The following PRKCZ variants were observed in gnomAD, a reference collection of about 807,000 sequenced individuals.
PRKCZ encodes the protein protein kinase C zeta type.
PRKCZ carries 33 observed loss-of-function variants against 79.5 expected under a neutral mutation model. That is an observed-to-expected ratio of 0.41 (90% CI 0.31 to 0.55). The LOEUF is 0.55. Ranked by LOEUF, PRKCZ falls within the 20% of genes least tolerant of loss-of-function variation. The probability of loss-of-function intolerance (pLI) is 0.19; values close to 1 mark genes in which losing one functional copy is unlikely to be tolerated. For synonymous variants in PRKCZ, 342 were observed against 320.9 expected (o/e 1.07, Z -0.70); for missense variants, 578 against 813.5 (o/e 0.71, Z 3.52).
intron 4 of PRKCZ, among the ~76,000 whole-genome samples, chr1:2,133,268 C>A (rs1316130379): frequency 6.6e-6 from 1 of 151,754 alleles, no homozygotes; most frequent in African/African-American, 2.4e-5. Context: ...TCCCTCGGCT[C>A]CGCCCCACAG....
chr1:2,137,647 C>T (rs1243441835), intron 5 of PRKCZ, among the ~76,000 whole-genome samples: 1 of 152,208 alleles, frequency 6.6e-6, no homozygotes. Flanking sequence ...GTGAACCCTA[C>T]CCACCCAGTG....
At chr1:2,097,931 C>T (rs1488838087) in intron 4 of PRKCZ, among the ~76,000 whole-genome samples, 1 of 152,208 alleles carries the variant, frequency 6.6e-6, no homozygotes, top group Non-Finnish European at 1.5e-5. Flanking sequence ...CTGTGTGGTT[C>T]CCCTGTTGGC....
intron 9 of PRKCZ, among the ~76,000 whole-genome samples, chr1:2,151,221 A>G (rs1679843040): frequency 6.6e-6 from 1 of 152,402 alleles, no homozygotes; most frequent in Non-Finnish European, 1.5e-5. Flanking sequence ...CAGCACAGCC[A>G]ACTCCACAGC....
Position 2,083,720 on chromosome 1 carries a change from G to A in PRKCZ, c.334+24129G>A, listed in dbSNP as rs113254510. Reference sequence around the variant, plus strand: ...CAGGAGGCTTGGGGTGAATTCCAGTGTGTCAGGAGGCTTGGGGCGTTTTAA... The same window carrying A: ...CAGGAGGCTTGGGGTGAATTCCAGTATGTCAGGAGGCTTGGGGCGTTTTAA... On this transcript the variant is annotated intron_variant, in intron 4 of 17. Coordinates refer to ENST00000378567, the MANE Select transcript of PRKCZ (RefSeq NM_002744.6). 8.7e-3 allele frequency among the ~76,000 whole-genome samples: 1,320 copies of A among 152,206 alleles called. 25 individuals carry two copies. Among genetic ancestry groups the A allele is most frequent in the African/African-American group, 0.029 (1,192 of 41,512 alleles).
chr1:2,119,964 T>G (rs1236015848), intron 4 of PRKCZ, among the ~76,000 whole-genome samples: 1 of 152,012 alleles, frequency 6.6e-6, no homozygotes, highest in Non-Finnish European at 1.5e-5. Context: ...TTTTTGTTTG[T>G]GTGGGAAATG....
Position 2,175,215 on chromosome 1 carries a change from G to C in PRKCZ, c.1486-9G>C. 6.2e-7 allele frequency: 1 copy of C among 1,612,796 alleles called. No individual in the cohort carries two copies. Among genetic ancestry groups the C allele is most frequent in the South Asian group, 1.1e-5 (1 of 91,044 alleles). On this transcript the variant is annotated splice_polypyrimidine_tract_variant and intron_variant, in intron 15 of 17. Transcript: ENST00000378567. ...GCTGACTTGTCCTTGTTTGAACTCT[G>C]ACCTCCAGGACCCCAAAGAGAGGCT...
At chr1:2,160,295 C>T (rs141357288) in intron 10 of PRKCZ, among the ~76,000 whole-genome samples, 4 of 151,068 alleles carry the variant, frequency 2.6e-5, no homozygotes, top group Admixed American at 6.6e-5. Context: ...GAAACCTGCC[C>T]GAAGCTCTGG....
chr1:2,180,808 G>C (rs1384174461), intron 16 of PRKCZ, among the ~76,000 whole-genome samples: 1 of 152,102 alleles, frequency 6.6e-6, no homozygotes, highest in East Asian at 1.9e-4. Context: ...CTGCCCCCAG[G>C]GCACTACCTC....
intron 4 of PRKCZ, among the ~76,000 whole-genome samples, chr1:2,099,067 C>A (rs987423965): frequency 6.6e-6 from 1 of 151,870 alleles, no homozygotes; most frequent in Non-Finnish European, 1.5e-5. Flanking sequence ...GCTGTGACTT[C>A]CGTTGTTGTC....
At chr1:2,097,041 C>G (rs994456931) in intron 4 of PRKCZ, among the ~76,000 whole-genome samples, 4 of 152,260 alleles carry the variant, frequency 2.6e-5, no homozygotes, top group Non-Finnish European at 5.9e-5. Flanking sequence ...CTGGACGGAG[C>G]TGACGCTCAG....
rs547987647 is a variant in PRKCZ at position 2,071,330 on chromosome 1, C to T, written c.334+11739C>T. 185 of 471,062 alleles carry T rather than the reference C, an allele frequency of 3.9e-4. 1 individual carries two copies. Among genetic ancestry groups the T allele is most frequent in the African/African-American group, 3.1e-3 (155 of 50,770 alleles). The allele number at this position is 471,062 out of a possible 1,614,324, so 29.2% of individuals were successfully genotyped here. ...TCAAGTGGGAAGAGAGCGGCCCCAC[C>T]GAGTGTGTTCCAGGCCCCGGCGGCG... On this transcript the variant is annotated intron_variant, in intron 4 of 17. Coordinates refer to ENST00000378567, the MANE Select transcript of PRKCZ (RefSeq NM_002744.6).
intron 4 of PRKCZ, among the ~76,000 whole-genome samples, chr1:2,129,421 C>T (rs766947098): frequency 1.3e-5 from 2 of 152,138 alleles, no homozygotes; most frequent in Non-Finnish European, 1.5e-5. Flanking sequence ...GAGAAAGTCA[C>T]GGTGCAGCAG....
intron 4 of PRKCZ, among the ~76,000 whole-genome samples, chr1:2,064,222 G>T (rs1259733785): frequency 2.0e-5 from 3 of 152,162 alleles, no homozygotes; most frequent in African/African-American, 7.2e-5. Context: ...GGGTTGTTTG[G>T]TTTTTTTGTT....
In PRKCZ at chr1:2,169,602, C is replaced by G. The variant is rs1027238254; in HGVS notation, c.1059C>G (p.Ala353=). The G allele has an allele frequency of 2.3e-5, 34 of 1,502,798 alleles. No homozygotes were observed. Among genetic ancestry groups the G allele is most frequent in the Non-Finnish European group, 3.0e-5 (34 of 1,116,972 alleles). The allele number at this position is 1,502,798 out of a possible 1,614,324, so 93.1% of individuals were successfully genotyped here. The change falls in exon 11 of 18, where the codon GCC becomes GCG. Residue 353 remains alanine (A), a splice_region_variant and synonymous_variant. Coordinates refer to ENST00000378567, the MANE Select transcript of PRKCZ (RefSeq NM_002744.6). ...AGAGGAAGCTCCCTGAGGAGCACGC[C>G]AGGTGGGTGCGCGTGGACGGGGCCG... ...QRQRKLPEEH[A]RFYAAEICIA...
intron 4 of PRKCZ, among the ~76,000 whole-genome samples, chr1:2,087,706 T>A (rs1664772747): frequency 6.6e-6 from 1 of 151,696 alleles, no homozygotes; most frequent in African/African-American, 2.4e-5. Flanking sequence ...GAATAACAGG[T>A]GGTTTTGCTC....
intron 4 of PRKCZ, among the ~76,000 whole-genome samples, chr1:2,101,992 C>T (rs1255269738): frequency 2.6e-5 from 4 of 152,156 alleles, no homozygotes; most frequent in African/African-American, 9.7e-5. Context: ...TTCTGGGGGT[C>T]CTGGGGCCTT....
chr1:2,101,415 C>T (rs1184261114), intron 4 of PRKCZ, among the ~76,000 whole-genome samples: 1 of 152,214 alleles, frequency 6.6e-6, no homozygotes, highest in East Asian at 1.9e-4. Context: ...CCTTTCTTTC[C>T]CTTGACTTTG....
intron 2 of PRKCZ, 148 bp from the exon 3 acceptor site, chr1:2,056,336 A>G: frequency 1.5e-6 from 1 of 680,584 alleles, no homozygotes; most frequent in Non-Finnish European, 2.4e-6. Flanking sequence ...CCGTCCTTGG[A>G]CCTCCCGACC....
At chr1:2,058,293 G>A (rs1660366704) in intron 3 of PRKCZ, among the ~76,000 whole-genome samples, 1 of 151,520 alleles carries the variant, frequency 6.6e-6, no homozygotes, top group Non-Finnish European at 1.5e-5. Flanking sequence ...GTGAGCCACG[G>A]TGCCCGGCCC....
Sources: allele counts gnomAD v4.1 joint callset (sites outside exome capture counted in the v4.1 genomes callset), GRCh38; gene constraint gnomAD v4.1.1; transcripts MANE v1.5; gene names NCBI Gene and HGNC (gene_info 2026-07-23, HGNC 2026-07-21).